KIF21B: variants seen among roughly 807,000 people sequenced by gnomAD.
KIF21B encodes the protein kinesin-like protein KIF21B.
In KIF21B, 85 loss-of-function variants were observed where a neutral mutation model predicts 192.9. The observed-to-expected ratio is 0.44, with a 90% CI of 0.37 to 0.53. The LOEUF (loss-of-function observed/expected upper bound fraction) is 0.53, where lower values mean the gene tolerates loss of function less well. Among genes scored for constraint, KIF21B ranks in the 20% least tolerant of loss-of-function variants. The pLI, the probability that KIF21B is intolerant of heterozygous loss-of-function variation, is 0.00. For missense variants in KIF21B, 1,716 were observed against 2,194.8 expected, an observed-to-expected ratio of 0.78 and a Z score of 4.36; for synonymous variants, 832 against 884.6, an observed-to-expected ratio of 0.94 and a Z score of 1.05.
chr1:200,990,843 T>C lies in KIF21B; in HGVS notation c.2687+74A>G. ...GGAGCACTCCCCAGAGCTTCCCTCT[T>C]CCTCACCCTGGCCCTGCCCCATATT... On this transcript the variant is annotated intron_variant, in intron 18 of 34. Coordinates refer to ENST00000461742, the MANE Select transcript of KIF21B (RefSeq NM_001252102.2). The surrounding 1 kb of genome is among the most constrained non-coding windows in gnomAD (Gnocchi z 5.4). 1 of 1,599,072 alleles carries C rather than the reference T, an allele frequency of 6.3e-7. No individual in the cohort carries two copies. Among genetic ancestry groups the C allele is most frequent in the Non-Finnish European group, 8.6e-7 (1 of 1,168,528 alleles).
In KIF21B at chr1:200,976,808, C is replaced by T. The variant is rs142799216; in HGVS notation, c.4411G>A (p.Val1471Met). 1.2e-4 allele frequency: 198 copies of T among 1,613,376 alleles called. No individual in the cohort carries two copies. The highest frequency in any genetic ancestry group is 1.6e-4 in the Non-Finnish European group (185 of 1,179,594). ...TAGTGGTCCTTGGAGCCAGTCACCA[C>T]GAGGTCATGCTGGCTGGCCGTCTGG... ...VTQTASQHDL[V>M]VTGSKDHYVK... Residue 1471 changes from valine to methionine, a missense_variant, in exon 32 of 35, where the codon GTG (valine) becomes ATG (methionine). Physicochemically the swap from Val to Met is conservative, Grantham distance 21 (BLOSUM62 1). This residue lies in a region of KIF21B where 580 missense variants were observed against 775.5 expected (regional missense o/e 0.75). Coordinates refer to ENST00000461742, the MANE Select transcript of KIF21B (RefSeq NM_001252102.2).
chr1:200,985,119 ACTC>A, intron 26 of KIF21B, 147 bp from the exon 27 acceptor site: 2 of 508,544 alleles, frequency 3.9e-6, no homozygotes, highest in Non-Finnish European at 6.9e-6. Flanking sequence ...ACCCAATGAA[ACTC>A]CTGGATGCTG....
chr1:201,000,064 G>C lies in KIF21B; in HGVS notation c.1686-100C>G, dbSNP rs1394132858. On this transcript the variant is annotated intron_variant, in intron 11 of 34. Transcript: ENST00000461742. This position sits in a 1 kb window ranked among gnomAD's most constrained non-coding sequence, Gnocchi z 6.0. ...CGGCAGAAAAGGAAGGCTCTCACCA[G>C]AGGCCGGGGAGAGCACTGGCTCCTA... The C allele has an allele frequency of 9.4e-7, 1 of 1,063,682 alleles. No individual in the cohort carries two copies. The highest frequency in any genetic ancestry group is 2.4e-5 in the East Asian group (1 of 41,820). The allele number at this position is 1,063,682 out of a possible 1,614,324, so 65.9% of individuals were successfully genotyped here. A position where few individuals can be genotyped will look rare whatever the true frequency, so the allele number is the denominator to read the frequency against.
At position 200,998,582 on chromosome 1, in the gene KIF21B, G is replaced by C; in HGVS notation, c.1886-7C>G. The C allele has an allele frequency of 6.2e-7, 1 of 1,612,196 alleles. No homozygotes were observed. ...TCCGCCTGGAAGTTCACCTCTATGG[G>C]GGCACAATCAGGCTCAGCCCAGCGT... On this transcript the variant is annotated splice_polypyrimidine_tract_variant and splice_region_variant and intron_variant, in intron 13 of 34. Transcript: ENST00000461742. The surrounding 1 kb of genome is among the most constrained non-coding windows in gnomAD (Gnocchi z 4.3).
Position 201,023,504 on chromosome 1 carries a change from G to A in KIF21B, c.-121C>T. ...GGGCGCGGCTGGCGGAGGCTGCGGC[G>A]GCGGCGGCTGGAGGTGACATGCTCG... On this transcript the variant is annotated 5_prime_UTR_variant, in exon 1 of 35. Coordinates refer to ENST00000461742, the MANE Select transcript of KIF21B (RefSeq NM_001252102.2). The surrounding 1 kb of genome is among the most constrained non-coding windows in gnomAD (Gnocchi z 5.9). 4 of 590,286 alleles carry A rather than the reference G, an allele frequency of 6.8e-6. No homozygotes were observed. Among genetic ancestry groups the A allele is most frequent in the Non-Finnish European group, 9.5e-6 (4 of 422,232 alleles). The allele number at this position is 590,286 out of a possible 1,614,324, so 36.6% of individuals were successfully genotyped here.
intron 26 of KIF21B, among the ~76,000 whole-genome samples, chr1:200,986,363 CTTT>C (rs60825961): frequency 7.2e-6 from 1 of 138,920 alleles, no homozygotes. Context: ...TTTTTTTTTT[CTTT>C]TTTTTTTTTG....
At chr1:201,004,642 A>T in intron 6 of KIF21B, 124 bp downstream of exon 6, 1 of 1,298,862 alleles carries the variant, frequency 7.7e-7, no homozygotes, top group South Asian at 1.3e-5. Context: ...GTGACGCCTG[A>T]GAGTGAAGGG....
chr1:201,019,055 C>T (rs1164957961), intron 1 of KIF21B, among the ~76,000 whole-genome samples: 2 of 152,176 alleles, frequency 1.3e-5, no homozygotes, highest in African/African-American at 4.8e-5. Context: ...CTGTCTCAGC[C>T]TCCTGAGTAG....
Position 200,999,103 on chromosome 1 carries a change from A to C in KIF21B, c.1885+246T>G, listed in dbSNP as rs1370898724. ...GGAAGCTCACCACCCCTATGCATAC[A>C]GTTGCAGTGAAGACTGAAAGAACCT... is the stretch of plus-strand genomic sequence containing the variant. On this transcript the variant is annotated intron_variant, in intron 13 of 34. Coordinates refer to ENST00000461742, the MANE Select transcript of KIF21B (RefSeq NM_001252102.2). The surrounding 1 kb of genome is among the most constrained non-coding windows in gnomAD (Gnocchi z 4.7). Among the ~76,000 whole-genome samples, 2 of 152,192 alleles carry C rather than the reference A, an allele frequency of 1.3e-5. No individual in the cohort carries two copies. Among genetic ancestry groups the C allele is most frequent in the East Asian group, 3.8e-4 (2 of 5,196 alleles).
In KIF21B at chr1:200,988,829, C is replaced by T. The variant is rs751952433; in HGVS notation, c.3235G>A (p.Ala1079Thr). The T allele has an allele frequency of 2.0e-5, 33 of 1,613,584 alleles. No individual in the cohort carries two copies. The Middle Eastern group carries it at 5.0e-4, about 24-fold the overall frequency. The change falls in exon 22 of 35, where the codon GCC (alanine) becomes ACC (threonine). Residue 1079 changes from alanine (A) to threonine (T), a missense_variant. Transcript: ENST00000461742. ...TGAGCTTCAGCCTTCTCACGCAGGG[C>T]GTCCAGGAGCAGATGGTTCTGGGAG... ...GSSQNHLLLD[A>T]LREKAEAHPE...
intron 24 of KIF21B, 61 bp downstream of exon 24, chr1:200,988,235 G>T: frequency 6.8e-7 from 1 of 1,467,842 alleles, no homozygotes; most frequent in Non-Finnish European, 9.5e-7. Flanking sequence ...AGTAAGCGGT[G>T]AACAGGCTGT....
intron 31 of KIF21B, 54 bp downstream of exon 31, chr1:200,977,158 G>A: frequency 6.4e-7 from 1 of 1,567,108 alleles, no homozygotes; most frequent in Non-Finnish European, 8.7e-7. Flanking sequence ...CCAAGACCTG[G>A]GGACCTTGCC....
At chr1:200,987,614 G>GAC (rs1656394705) in intron 24 of KIF21B, among the ~76,000 whole-genome samples, 1 of 152,232 alleles carries the variant, frequency 6.6e-6, no homozygotes, top group African/African-American at 2.4e-5. Flanking sequence ...GAAGGACCCA[G>GAC]ACAGACATCA....
chr1:201,016,559 CCCGGGGG>C (rs1558030599), intron 1 of KIF21B, among the ~76,000 whole-genome samples: 1 of 152,210 alleles, frequency 6.6e-6, no homozygotes, highest in East Asian at 1.9e-4. Flanking sequence ...CTCCCAGACA[CCCGGGGG>C]CTTTTAGCTG....
At chr1:200,993,806 A>G (rs2102419118) in intron 15 of KIF21B, among the ~76,000 whole-genome samples, 1 of 139,326 alleles carries the variant, frequency 7.2e-6, no homozygotes. Context: ...ACGAAATGGC[A>G]TGAGGGAGTG....
At position 201,000,375 on chromosome 1, in the gene KIF21B, C is replaced by G. The variant is rs1481042649; in HGVS notation, c.1685+15G>C. The G allele has an allele frequency of 3.2e-6, 5 of 1,539,628 alleles. No homozygotes were observed. Among genetic ancestry groups the G allele is most frequent in the Non-Finnish European group, 4.3e-6 (5 of 1,153,500 alleles). Reference sequence around the variant, plus strand: ...GTCTGAGGGCTCTCAGGGGCGGGGACGACACTCCACTCACCTCTTCCTCCG... The same window carrying G: ...GTCTGAGGGCTCTCAGGGGCGGGGAGGACACTCCACTCACCTCTTCCTCCG... On this transcript the variant is annotated intron_variant, in intron 11 of 34. Coordinates refer to ENST00000461742, the MANE Select transcript of KIF21B (RefSeq NM_001252102.2). This position sits in a 1 kb window ranked among gnomAD's most constrained non-coding sequence, Gnocchi z 6.0.
At position 201,017,655 on chromosome 1, in the gene KIF21B, T is replaced by C. The variant is rs1361918309; in HGVS notation, c.41+5688A>G. On this transcript the variant is annotated intron_variant, in intron 1 of 34. Coordinates refer to ENST00000461742, the MANE Select transcript of KIF21B (RefSeq NM_001252102.2). This position sits in a 1 kb window ranked among gnomAD's most constrained non-coding sequence, Gnocchi z 4.1. ...ATGCAGAGCAACAGAAGGCTGGCTGTGGAGGGCAGCAAGCCTCTCCCCACC... is the reference window on the plus strand; with the variant it reads ...ATGCAGAGCAACAGAAGGCTGGCTGCGGAGGGCAGCAAGCCTCTCCCCACC... 6.6e-6 allele frequency among the ~76,000 whole-genome samples: 1 copy of C among 152,200 alleles called. No individual in the cohort carries two copies. The highest frequency in any genetic ancestry group is 2.4e-5 in the African/African-American group (1 of 41,452).
At chr1:201,011,494 G>T (rs1266228872) in intron 1 of KIF21B, among the ~76,000 whole-genome samples, 1 of 152,228 alleles carries the variant, frequency 6.6e-6, no homozygotes, top group Non-Finnish European at 1.5e-5. Context: ...ATGGTCTTAT[G>T]CTACACCGTC....
Position 200,999,331 on chromosome 1 carries a change from C to T in KIF21B, c.1885+18G>A, listed in dbSNP as rs1395570171. 6.2e-7 allele frequency: 1 copy of T among 1,614,070 alleles called. No homozygotes were observed. The highest frequency in any genetic ancestry group is 2.2e-5 in the East Asian group (1 of 44,876). On this transcript the variant is annotated intron_variant, in intron 13 of 34. Coordinates refer to ENST00000461742, the MANE Select transcript of KIF21B (RefSeq NM_001252102.2). This position sits in a 1 kb window ranked among gnomAD's most constrained non-coding sequence, Gnocchi z 4.7. ...CAGGCATTGCATCCCCCACAGCCCACAGCTCAGGCCCACGCACCCTTCTCC... is the reference window on the plus strand; with the variant it reads ...CAGGCATTGCATCCCCCACAGCCCATAGCTCAGGCCCACGCACCCTTCTCC...
Sources: allele counts gnomAD v4.1 joint callset (sites outside exome capture counted in the v4.1 genomes callset), GRCh38; gene constraint gnomAD v4.1.1; regional missense constraint gnomAD v4.1.1; non-coding constraint Gnocchi (gnomAD v3.1); transcripts MANE v1.5; gene names NCBI Gene and HGNC (gene_info 2026-07-23, HGNC 2026-07-21).